The following ARHGEF3 variants were observed in gnomAD, a reference collection of about 807,000 sequenced individuals.
ARHGEF3 encodes Rho guanine nucleotide exchange factor 3.
A neutral mutation model predicts 63.2 loss-of-function variants in ARHGEF3; 28 were observed. That is an observed-to-expected ratio of 0.44 (90% CI 0.33 to 0.61). The LOEUF is 0.61. ARHGEF3 is among the 20% of genes least tolerant of loss of function. The probability of loss-of-function intolerance (pLI) is 0.03; values close to 1 mark genes in which losing one functional copy is unlikely to be tolerated. For synonymous variants in ARHGEF3, 266 were observed against 254.2 expected, an observed-to-expected ratio of 1.05 and a Z score of -0.44; for missense variants, 533 against 659.3, an observed-to-expected ratio of 0.81 and a Z score of 2.10.
intron 2 of ARHGEF3, among the ~76,000 whole-genome samples, chr3:57,024,899 C>A (rs75590162): frequency 0.048 from 7,301 of 152,294 alleles, 282 homozygotes; most frequent in Non-Finnish European, 0.069. Context: ...AATGCCTTCA[C>A]CAGCGTGTCA....
intron 3 of ARHGEF3, among the ~76,000 whole-genome samples, chr3:56,933,071 G>A (rs2042455137): frequency 6.6e-6 from 1 of 152,150 alleles, no homozygotes; most frequent in Admixed American, 6.5e-5. Flanking sequence ...ACACAGAGAT[G>A]CATGCAAAAT....
At chr3:56,998,016 T>G (rs1702057233) in intron 2 of ARHGEF3, among the ~76,000 whole-genome samples, 1 of 152,212 alleles carries the variant, frequency 6.6e-6, no homozygotes, top group African/African-American at 2.4e-5. Context: ...TTAACTTTGA[T>G]GTCCTGCAAC....
intron 3 of ARHGEF3, among the ~76,000 whole-genome samples, chr3:56,934,242 T>C (rs1037919766): frequency 1.3e-5 from 2 of 152,306 alleles, no homozygotes; most frequent in Admixed American, 1.3e-4. Context: ...AGCATAATAG[T>C]AGTAGTAGCA....
chr3:56,796,906 C>T (rs1051815021), intron 1 of ARHGEF3, among the ~76,000 whole-genome samples: 1 of 152,122 alleles, frequency 6.6e-6, no homozygotes, highest in African/African-American at 2.4e-5. Context: ...TACGGTAAAG[C>T]CCCTAATGCA....
chr3:56,992,759 C>T (rs1290943507), intron 2 of ARHGEF3, among the ~76,000 whole-genome samples: 3 of 152,214 alleles, frequency 2.0e-5, no homozygotes, highest in Admixed American at 1.3e-4. Flanking sequence ...TCCAGCTTCC[C>T]AGTCTGCTTG....
intron 1 of ARHGEF3, among the ~76,000 whole-genome samples, chr3:57,048,596 T>G (rs1460454689): frequency 6.6e-6 from 1 of 152,106 alleles, no homozygotes; most frequent in African/African-American, 2.4e-5. Context: ...GAGCTCTGTG[T>G]GCTCTCGGGG....
At chr3:56,978,210 T>C (rs7638884) in intron 2 of ARHGEF3, among the ~76,000 whole-genome samples, 81,144 of 152,076 alleles carry the variant, frequency 0.53, 22,062 homozygotes, top group Middle Eastern at 0.63. Flanking sequence ...TTTTAACACA[T>C]GAAAACCATG....
At chr3:56,951,100 AG>A (rs1471583881) in intron 3 of ARHGEF3, among the ~76,000 whole-genome samples, 1 of 151,486 alleles carries the variant, frequency 6.6e-6, no homozygotes, top group African/African-American at 2.4e-5. Flanking sequence ...GGACACAGGA[AG>A]GGGAACATCA....
At chr3:56,860,074 A>AGATC (rs1445725363) in intron 4 of ARHGEF3, among the ~76,000 whole-genome samples, 4 of 141,356 alleles carry the variant, frequency 2.8e-5, no homozygotes, top group African/African-American at 8.0e-5. Context: ...ATAGATCGAT[A>AGATC]GATAGATAAA....
intron 2 of ARHGEF3, among the ~76,000 whole-genome samples, chr3:56,989,463 CAG>C (rs1701663138): frequency 6.6e-6 from 1 of 152,162 alleles, no homozygotes; most frequent in African/African-American, 2.4e-5. Context: ...CCAAAGTGTA[CAG>C]AGAGACACTC....
chr3:56,750,925 A>G, intron 6 of ARHGEF3, 131 bp downstream of exon 6: 1 of 578,252 alleles, frequency 1.7e-6, no homozygotes, highest in Non-Finnish European at 2.7e-6. Flanking sequence ...TTTTACTAGG[A>G]TTTTTTTTTC....
chr3:56,943,044 A>C (rs1414342343), intron 3 of ARHGEF3, among the ~76,000 whole-genome samples: 1 of 152,248 alleles, frequency 6.6e-6, no homozygotes, highest in African/African-American at 2.4e-5. Context: ...TGAAGCAGCA[A>C]GTCCTGATGT....
At chr3:56,926,248 A>T (rs527528240) in intron 3 of ARHGEF3, among the ~76,000 whole-genome samples, 137 of 152,316 alleles carry the variant, frequency 9.0e-4, no homozygotes, top group Non-Finnish European at 1.4e-3. Context: ...AGCAAAGTTC[A>T]TTCAGGAGGC....
intron 4 of ARHGEF3, among the ~76,000 whole-genome samples, chr3:56,862,278 A>G (rs2040103347): frequency 1.3e-5 from 2 of 151,978 alleles, no homozygotes; most frequent in Admixed American, 6.6e-5. Context: ...TACTCCACAA[A>G]TCCCCCTACT....
chr3:56,955,487 G>C (rs1396808523), intron 3 of ARHGEF3, among the ~76,000 whole-genome samples: 1 of 152,174 alleles, frequency 6.6e-6, no homozygotes, highest in Non-Finnish European at 1.5e-5. Context: ...ACAGGCATGA[G>C]CCACTGCGCC....
intron 2 of ARHGEF3, among the ~76,000 whole-genome samples, chr3:56,981,775 G>T (rs898251278): frequency 2.6e-5 from 4 of 152,198 alleles, no homozygotes; most frequent in African/African-American, 9.7e-5. Context: ...CCTGTTTTCA[G>T]GCTGTTTTTT....
chr3:56,729,559 G>A lies in ARHGEF3; in HGVS notation c.1292C>T (p.Ala431Val), dbSNP rs769965851. 6.2e-6 allele frequency: 10 copies of A among 1,613,064 alleles called. No individual in the cohort carries two copies. Among genetic ancestry groups the A allele is most frequent in the African/African-American group, 1.3e-5 (1 of 74,896 alleles). ...GSQSQTHSLQ[A>V]NDTFNKQQWL... The stretch of plus-strand genomic sequence containing the variant: ...CTGCTGTTTGTTGAAAGTGTCATTG[G>A]CTTGTAGCGAGTGGGTCTGACTTTG... Residue 431 changes from alanine (A) to valine (V), a missense_variant, in exon 10 of 10, where the codon GCC becomes GTC. Physicochemically the swap from Ala to Val is moderately conservative, Grantham distance 64. Coordinates refer to ENST00000296315, the MANE Select transcript of ARHGEF3 (RefSeq NM_019555.3).
intron 2 of ARHGEF3, among the ~76,000 whole-genome samples, chr3:56,757,667 A>T (rs2035156649): frequency 2.0e-5 from 3 of 151,732 alleles, no homozygotes; most frequent in Non-Finnish European, 4.4e-5. Flanking sequence ...ACAAAATTCT[A>T]TTGTTGTTTC....
intron 1 of ARHGEF3, among the ~76,000 whole-genome samples, chr3:56,792,317 T>C (rs2037130571): frequency 6.6e-6 from 1 of 152,202 alleles, no homozygotes; most frequent in Admixed American, 6.5e-5. Flanking sequence ...ATGCTCAACT[T>C]TTTTTCCTCT....
Sources: gnomAD v4.1 joint callset for allele counts (sites outside exome capture counted in the v4.1 genomes callset) on GRCh38, gnomAD v4.1.1 for gene constraint, MANE v1.5 for transcripts, NCBI Gene and HGNC (gene_info 2026-07-23, HGNC 2026-07-21) for gene names.